Variants in NUGGC observed in about 807,000 individuals in gnomAD.
The protein encoded by NUGGC is nuclear GTPase, germinal center associated, also known as nuclear GTPase SLIP-GC.
Under a neutral mutation model 92.6 loss-of-function variants are expected in NUGGC, and 58 were observed. That is an observed-to-expected ratio of 0.63 (90% CI 0.51 to 0.78). The LOEUF (loss-of-function observed/expected upper bound fraction) is 0.78. Ranked by LOEUF, NUGGC falls within the 30% of genes least tolerant of loss-of-function variation. The pLI is 0.00. For synonymous variants in NUGGC, 376 were observed against 366.4 expected, an observed-to-expected ratio of 1.03 and a Z score of -0.30; for missense variants, 925 against 964.6, an observed-to-expected ratio of 0.96 and a Z score of 0.54.
At chr8:28,046,434 C>T (rs1542315) in intron 11 of NUGGC, among the ~76,000 whole-genome samples, 4,075 of 152,250 alleles carry the variant, frequency 0.027, 89 homozygotes, top group Non-Finnish European at 0.041. Flanking sequence ...GAGTATCTAG[C>T]GCACGCAGAG....
At chr8:28,079,932 T>G (rs994924299) in intron 1 of NUGGC, among the ~76,000 whole-genome samples, 3 of 150,830 alleles carry the variant, frequency 2.0e-5, no homozygotes, top group African/African-American at 4.9e-5. Flanking sequence ...TTCTTTGTTT[T>G]TTTGTTTGTT....
At position 28,070,247 on chromosome 8, in the gene NUGGC, C is replaced by T; in HGVS notation, c.148+5G>A. 1 of 1,541,668 alleles carries T rather than the reference C, an allele frequency of 6.5e-7. No individual in the cohort carries two copies. The highest frequency in any genetic ancestry group is 8.8e-7 in the Non-Finnish European group (1 of 1,137,212). On this transcript the variant is annotated splice_donor_5th_base_variant and intron_variant, in intron 3 of 18. Transcript: ENST00000413272. ...ATGTTAAAACAACAGTTCCAAGACA[C>T]TCACATTCCTTAAGAGCACTCTGCT...
At chr8:28,044,468 A>AT (rs1809776627) in intron 12 of NUGGC, among the ~76,000 whole-genome samples, 2 of 152,168 alleles carry the variant, frequency 1.3e-5, no homozygotes, top group South Asian at 4.1e-4. Context: ...GGGTGCCCTG[A>AT]TTGGAGGCTG....
intron 6 of NUGGC, among the ~76,000 whole-genome samples, chr8:28,066,027 A>G (rs889562496): frequency 3.3e-5 from 5 of 151,918 alleles, no homozygotes; most frequent in Non-Finnish European, 7.4e-5. Flanking sequence ...TCCAGTGGAA[A>G]CCCTGAATTT....
chr8:28,023,966 G>A (rs6990669), intron 18 of NUGGC, among the ~76,000 whole-genome samples: 178 of 152,268 alleles, frequency 1.2e-3, no homozygotes, highest in African/African-American at 4.0e-3. Flanking sequence ...ACGTGAGTCT[G>A]GATGCCTCTG....
intron 1 of NUGGC, among the ~76,000 whole-genome samples, chr8:28,081,490 T>A (rs1163043656): frequency 6.6e-6 from 1 of 152,252 alleles, no homozygotes; most frequent in East Asian, 1.9e-4. Context: ...TCTGTTAGTC[T>A]TTGGGGAACA....
intron 1 of NUGGC, among the ~76,000 whole-genome samples, chr8:28,080,349 C>A (rs1810821209): frequency 6.6e-6 from 1 of 152,292 alleles, no homozygotes; most frequent in South Asian, 2.1e-4. Flanking sequence ...GTGTTCAATG[C>A]AAAATTCAAT....
chr8:28,029,375 GC>G lies in NUGGC; in HGVS notation c.2044del (p.Ala682ArgfsTer5). 1 of 1,612,470 alleles carries G rather than the reference GC, an allele frequency of 6.2e-7. No individual in the cohort carries two copies. Among genetic ancestry groups the G allele is most frequent in the South Asian group, 1.1e-5 (1 of 90,670 alleles). ...EEAAQITGKK[A>X]CERMKDAIRR... Reference sequence around the variant, plus strand: ...GATGGCATCTTTCATCCGCTCACACGCTTTTTTGCCCGTGATCTGAGCTGCC... The same window carrying G: ...GATGGCATCTTTCATCCGCTCACACGTTTTTTGCCCGTGATCTGAGCTGCC... On this transcript the variant is annotated frameshift_variant, in exon 17 of 19. Coordinates refer to ENST00000413272, the MANE Select transcript of NUGGC (RefSeq NM_001010906.2). LOFTEE classifies it high-confidence loss of function.
In NUGGC at chr8:28,063,904, C is replaced by T. The variant is rs542664759; in HGVS notation, c.921+618G>A. On this transcript the variant is annotated intron_variant, in intron 7 of 18. Transcript: ENST00000413272. ...TCCTCCCACCCTGTGCTCCAGAGCG[C>T]CTCTGTTTACCGCGCCCTTTCTCAA... is the stretch of plus-strand genomic sequence containing the variant. 9.9e-4 allele frequency among the ~76,000 whole-genome samples: 151 copies of T among 152,298 alleles called. 1 individual carries two copies. Among genetic ancestry groups the T allele is most frequent in the African/African-American group, 3.5e-3 (147 of 41,552 alleles).
chr8:28,064,345 A>G (rs1182710271), intron 7 of NUGGC, among the ~76,000 whole-genome samples, 177 bp downstream of exon 7: 1 of 151,880 alleles, frequency 6.6e-6, no homozygotes, highest in African/African-American at 2.4e-5. Context: ...CTCCCTCCCC[A>G]CTTTCTCTGG....
intron 17 of NUGGC, among the ~76,000 whole-genome samples, chr8:28,028,522 G>A (rs1809327592): frequency 6.6e-6 from 1 of 152,162 alleles, no homozygotes. Flanking sequence ...TTGGGAGACA[G>A]GATCAGCCAG....
intron 1 of NUGGC, among the ~76,000 whole-genome samples, chr8:28,078,796 T>C (rs548047253): frequency 6.6e-6 from 1 of 152,330 alleles, no homozygotes; most frequent in African/African-American, 2.4e-5. Context: ...ATAGTCCTTC[T>C]TCAAATCATC....
rs1040365027 is a variant in NUGGC, at chr8:28,046,860, G to A, written c.1312+647C>T. ...TTTTTGTATTTTTTAGTAGAAATGGGGTTTCACCATATTGGTCAGGTTGGT... is the reference window on the plus strand; with the variant it reads ...TTTTTGTATTTTTTAGTAGAAATGGAGTTTCACCATATTGGTCAGGTTGGT... On this transcript the variant is annotated intron_variant, in intron 11 of 18. Transcript: ENST00000413272. Among the ~76,000 whole-genome samples the A allele has an allele frequency of 2.0e-5, 3 of 151,058 alleles. No homozygotes were observed. In the South Asian group the frequency reaches 6.3e-4, roughly 32 times the overall value.
intron 18 of NUGGC, among the ~76,000 whole-genome samples, chr8:28,025,615 G>A (rs545985326): frequency 1.5e-5 from 2 of 132,736 alleles, no homozygotes; most frequent in African/African-American, 5.7e-5. Context: ...GTGTGAGGGT[G>A]TTGTATCTCC....
intron 13 of NUGGC, among the ~76,000 whole-genome samples, chr8:28,035,068 G>A (rs369496767): frequency 3.9e-5 from 6 of 152,148 alleles, no homozygotes; most frequent in Non-Finnish European, 7.4e-5. Context: ...CTGATGAGAT[G>A]GGACAGTTGA....
intron 6 of NUGGC, among the ~76,000 whole-genome samples, chr8:28,066,417 C>G (rs996279232): frequency 2.0e-5 from 3 of 152,126 alleles, no homozygotes; most frequent in African/African-American, 7.2e-5. Context: ...GTATATTGAA[C>G]TTTAACTGTA....
intron 18 of NUGGC, among the ~76,000 whole-genome samples, chr8:28,025,591 T>A (rs1412000845): frequency 6.6e-6 from 1 of 151,952 alleles, no homozygotes; most frequent in Non-Finnish European, 1.5e-5. Context: ...GTCATGAGAG[T>A]CCAGTACATT....
intron 17 of NUGGC, among the ~76,000 whole-genome samples, chr8:28,028,521 A>T (rs1251878362): frequency 6.6e-6 from 1 of 152,202 alleles, no homozygotes; most frequent in Non-Finnish European, 1.5e-5. Flanking sequence ...CTTGGGAGAC[A>T]GGATCAGCCA....
rs771153696 is a variant in NUGGC, at chr8:28,055,984, ATT to A, written c.1185_1186del (p.Arg395SerfsTer13). 4.5e-6 allele frequency: 7 copies of A among 1,546,712 alleles called. No individual in the cohort carries two copies. The South Asian group carries it at 8.3e-5, about 18-fold the overall frequency. The stretch of plus-strand genomic sequence containing the variant: ...ACTCACCTTCAGTTTTTCCTTGAGA[ATT>A]CTAGTCCTTTGTAGTTTTATCATTT... On this transcript the variant is annotated frameshift_variant, in exon 10 of 19. Coordinates refer to ENST00000413272, the MANE Select transcript of NUGGC (RefSeq NM_001010906.2). LOFTEE classifies it high-confidence loss of function.
Sources: allele counts gnomAD v4.1 joint callset (sites outside exome capture counted in the v4.1 genomes callset), GRCh38; gene constraint gnomAD v4.1.1; transcripts MANE v1.5; gene names NCBI Gene and HGNC (gene_info 2026-07-23, HGNC 2026-07-21).